Variants in ESR1 observed in about 807,000 individuals in gnomAD.
The protein encoded by ESR1 is estrogen receptor.
In ESR1, 12 loss-of-function variants were observed where a neutral mutation model predicts 52.7. The observed-to-expected ratio is 0.23, with a 90% confidence interval of 0.15 to 0.37. ESR1 has a LOEUF of 0.37. ESR1 is among the 10% of genes least tolerant of loss of function. The pLI, the probability that ESR1 is intolerant of heterozygous loss-of-function variation, is 1.00. For synonymous variants in ESR1, 305 were observed against 316.8 expected, an observed-to-expected ratio of 0.96 and a Z score of 0.39; for missense variants, 584 against 779.7, an observed-to-expected ratio of 0.75 and a Z score of 2.99.
At chr6:151,788,452 AT>A (rs1398000223) in intron 2 of ESR1, among the ~76,000 whole-genome samples, 1 of 152,124 alleles carries the variant, frequency 6.6e-6, no homozygotes, top group African/African-American at 2.4e-5. Flanking sequence ...TCAAAATATA[AT>A]AGATGCTGGT....
intron 1 of ESR1, among the ~76,000 whole-genome samples, chr6:151,814,530 G>A (rs530869122): frequency 2.6e-5 from 4 of 151,756 alleles, no homozygotes; most frequent in Non-Finnish European, 4.4e-5. Context: ...ATGAAATTTG[G>A]AACAGGGCTA....
intron 1 of ESR1, among the ~76,000 whole-genome samples, chr6:151,670,136 A>C (rs1322965026): frequency 1.3e-5 from 2 of 152,092 alleles, no homozygotes; most frequent in Admixed American, 6.5e-5. Context: ...CCATTTGCAC[A>C]TCTTGCATTT....
chr6:151,936,499 T>C (rs1294967789), intron 3 of ESR1, among the ~76,000 whole-genome samples: 1 of 152,108 alleles, frequency 6.6e-6, no homozygotes, highest in African/African-American at 2.4e-5. Flanking sequence ...AAGAAGAAAC[T>C]AAGAATTTCA....
chr6:151,719,354 G>A (rs757804816), intron 2 of ESR1, among the ~76,000 whole-genome samples: 1 of 152,182 alleles, frequency 6.6e-6, no homozygotes, highest in Non-Finnish European at 1.5e-5. Context: ...TGGAGGAAGG[G>A]TGCAAGAGTA....
At chr6:151,899,022 C>G (rs1460697231) in intron 3 of ESR1, among the ~76,000 whole-genome samples, 5 of 133,298 alleles carry the variant, frequency 3.8e-5, no homozygotes, top group Non-Finnish European at 6.8e-5. Context: ...GCTGGCCGGG[C>G]GGGGGGCTGA....
chr6:151,789,512 G>A (rs1308920620), intron 2 of ESR1, among the ~76,000 whole-genome samples: 1 of 152,192 alleles, frequency 6.6e-6, no homozygotes, highest in African/African-American at 2.4e-5. Context: ...GGGGGCAGTG[G>A]GGAGGGTGAA....
At chr6:151,977,575 G>A (rs951011296) in intron 4 of ESR1, among the ~76,000 whole-genome samples, 2 of 151,812 alleles carry the variant, frequency 1.3e-5, no homozygotes, top group Non-Finnish European at 2.9e-5. Flanking sequence ...GAGGTGGATC[G>A]CTTGAGGTCA....
rs1460712003 is a variant in ESR1 at position 151,906,835 on chromosome 6, G to A, written c.760+26064G>A. Among the ~76,000 whole-genome samples, 5 of 150,280 alleles carry A rather than the reference G, an allele frequency of 3.3e-5. No homozygotes were observed. In the South Asian group the frequency reaches 6.4e-4, roughly 19 times the overall value. ...CTAATAAATCTTTCCTTCCCTGGAC[G>A]CTATAAAGTTATTTGTCTATATTCT... On this transcript the variant is annotated intron_variant, in intron 3 of 7. Coordinates refer to ENST00000206249, the MANE Select transcript of ESR1 (RefSeq NM_000125.4).
At chr6:151,886,814 G>T (rs1163795209) in intron 3 of ESR1, among the ~76,000 whole-genome samples, 2 of 152,034 alleles carry the variant, frequency 1.3e-5, no homozygotes, top group African/African-American at 2.4e-5. Context: ...GCCGAGGCGG[G>T]TGGATCACCT....
chr6:151,928,647 T>C (rs1190479479), intron 3 of ESR1, among the ~76,000 whole-genome samples: 1 of 151,934 alleles, frequency 6.6e-6, no homozygotes, highest in Non-Finnish European at 1.5e-5. Flanking sequence ...GGTGGTGGCT[T>C]AGGTTGGTTA....
intron 3 of ESR1, among the ~76,000 whole-genome samples, chr6:151,935,636 A>G (rs557406275): frequency 8.5e-5 from 13 of 152,252 alleles, no homozygotes; most frequent in Non-Finnish European, 1.2e-4. Context: ...ACCAACTCAC[A>G]TACTAGGGAA....
At chr6:151,776,470 A>G (rs1333616348) in intron 2 of ESR1, among the ~76,000 whole-genome samples, 1 of 152,208 alleles carries the variant, frequency 6.6e-6, no homozygotes, top group Non-Finnish European at 1.5e-5. Context: ...GCTAGTGGCT[A>G]TTAACTACCA....
At chr6:151,692,978 T>C (rs1406222614) in intron 1 of ESR1, among the ~76,000 whole-genome samples, 1 of 152,220 alleles carries the variant, frequency 6.6e-6, no homozygotes, top group African/African-American at 2.4e-5. Flanking sequence ...AGTAGTTTAA[T>C]TCAGATCCAT....
intron 2 of ESR1, among the ~76,000 whole-genome samples, chr6:151,777,237 C>T (rs372834800): frequency 1.4e-4 from 21 of 151,698 alleles, no homozygotes; most frequent in African/African-American, 4.6e-4. Flanking sequence ...CCTGCCTCAC[C>T]CTCCTGATTA....
intron 1 of ESR1, among the ~76,000 whole-genome samples, chr6:151,678,459 C>T (rs1023856396): frequency 1.3e-5 from 2 of 149,484 alleles, no homozygotes; most frequent in African/African-American, 2.5e-5. Context: ...GGCAACAAAG[C>T]GAGACTCCAT....
At chr6:151,899,049 C>T (rs1294628006) in intron 3 of ESR1, among the ~76,000 whole-genome samples, 14 of 148,400 alleles carry the variant, frequency 9.4e-5, no homozygotes, top group East Asian at 6.3e-4. Flanking sequence ...ACCTCCCTCC[C>T]GGACGGGGCG....
At chr6:151,959,760 G>T (rs1316893697) in intron 4 of ESR1, among the ~76,000 whole-genome samples, 1 of 152,078 alleles carries the variant, frequency 6.6e-6, no homozygotes, top group East Asian at 1.9e-4. Context: ...ACTGAAGTTG[G>T]TTGAGCTTTG....
intron 1 of ESR1, among the ~76,000 whole-genome samples, chr6:151,697,419 C>A (rs910469778): frequency 6.6e-6 from 1 of 152,140 alleles, no homozygotes; most frequent in African/African-American, 2.4e-5. Flanking sequence ...GTAAAATGGG[C>A]ATAACAACTA....
At chr6:151,733,153 G>A (rs1015420547) in intron 2 of ESR1, among the ~76,000 whole-genome samples, 2 of 152,162 alleles carry the variant, frequency 1.3e-5, no homozygotes, top group Admixed American at 6.5e-5. Context: ...AGTGAAACAG[G>A]TGATTCTCAT....
Sources: gnomAD v4.1 joint callset for allele counts (sites outside exome capture counted in the v4.1 genomes callset) on GRCh38, gnomAD v4.1.1 for gene constraint, MANE v1.5 for transcripts, NCBI Gene and HGNC (gene_info 2026-07-23, HGNC 2026-07-21) for gene names.